TINAG: variants seen among roughly 807,000 people sequenced by gnomAD.
TINAG encodes tubulointerstitial nephritis antigen.
A neutral mutation model predicts 72.7 loss-of-function variants in TINAG; 83 were observed. The observed-to-expected ratio is 1.14, with a 90% CI of 0.96 to 1.37. The LOEUF (loss-of-function observed/expected upper bound fraction) is 1.37, where lower values mean the gene tolerates loss of function less well. Among genes scored for constraint, TINAG ranks in the 40% most tolerant of loss-of-function variants. The probability of loss-of-function intolerance (pLI) is 0.00; values close to 1 mark genes in which losing one functional copy is unlikely to be tolerated. For missense variants in TINAG, 685 were observed against 576.6 expected (o/e 1.19, Z -1.93); for synonymous variants, 234 against 189.9 (o/e 1.23, Z -1.91).
At chr6:54,349,611 A>T in intron 6 of TINAG, 105 bp from the exon 7 acceptor site, 1 of 1,080,746 alleles carries the variant, frequency 9.3e-7, no homozygotes, top group Non-Finnish European at 1.3e-6. Flanking sequence ...GCATGTAAGT[A>T]ACCAGAATAA....
chr6:54,308,086 T>A (rs780220197), upstream of TINAG: 6 of 1,549,870 alleles, frequency 3.9e-6, no homozygotes, highest in East Asian at 4.9e-5. Flanking sequence ...GGATGTTCGT[T>A]TCAATGCAGG....
chr6:54,387,568 C>T (rs192327867), intron 10 of TINAG, among the ~76,000 whole-genome samples: 29 of 152,154 alleles, frequency 1.9e-4, no homozygotes, highest in African/African-American at 6.5e-4. Flanking sequence ...AGGAAGGCAA[C>T]ATGGTAGACC....
In TINAG at chr6:54,317,976, A is replaced by G. The variant is rs545142045; in HGVS notation, c.356-2603A>G. Among the ~76,000 whole-genome samples, 19 of 151,652 alleles carry G rather than the reference A, an allele frequency of 1.3e-4. No homozygotes were observed. In the East Asian group the frequency reaches 3.7e-3, roughly 30 times the overall value. On this transcript the variant is annotated intron_variant, in intron 1 of 10. Coordinates refer to ENST00000259782, the MANE Select transcript of TINAG (RefSeq NM_014464.4). ...GTACTGTATGCAGCTGACCACCTAG[A>G]GCATTTGAAACACTGTATTAACCCT...
intron 9 of TINAG, among the ~76,000 whole-genome samples, chr6:54,373,190 T>A (rs1763683190): frequency 7.1e-6 from 1 of 141,448 alleles, no homozygotes. Flanking sequence ...TTCCCCTACC[T>A]CCAACCCCAC....
intron 9 of TINAG, among the ~76,000 whole-genome samples, chr6:54,363,436 G>A (rs1395153784): frequency 6.6e-6 from 1 of 151,306 alleles, no homozygotes; most frequent in Non-Finnish European, 1.5e-5. Flanking sequence ...AGACATATTT[G>A]GGGAGAAAAG....
At position 54,319,058 on chromosome 6, in the gene TINAG, C is replaced by G. The variant is rs9474800; in HGVS notation, c.356-1521C>G. ...TTAGCTGAGTATAAGTCAGCTAATA[C>G]TCAGCTGAGTATTAAGGTCTTTTTC... On this transcript the variant is annotated intron_variant, in intron 1 of 10. Transcript: ENST00000259782. Among the ~76,000 whole-genome samples, 578 of 152,128 alleles carry G rather than the reference C, an allele frequency of 3.8e-3. 6 individuals are homozygous for G. The highest frequency in any genetic ancestry group is 0.013 in the African/African-American group (553 of 41,504).
intron 5 of TINAG, among the ~76,000 whole-genome samples, chr6:54,344,588 A>G (rs1785076090): frequency 6.6e-6 from 1 of 152,196 alleles, no homozygotes; most frequent in Non-Finnish European, 1.5e-5. Flanking sequence ...ATCTATAAGA[A>G]TTTTGCCTAA....
chr6:54,363,693 C>G (rs906755833), intron 9 of TINAG, among the ~76,000 whole-genome samples: 1 of 149,850 alleles, frequency 6.7e-6, no homozygotes, highest in Non-Finnish European at 1.5e-5. Context: ...TAGGGCTACA[C>G]AGAAAAAGAA....
intron 3 of TINAG, among the ~76,000 whole-genome samples, chr6:54,321,920 TG>T (rs1246631787): frequency 6.6e-6 from 1 of 152,174 alleles, no homozygotes; most frequent in Non-Finnish European, 1.5e-5. Context: ...AAAGTAGGGA[TG>T]ATTGACACTG....
chr6:54,357,911 A>G (rs1763103331), intron 9 of TINAG, among the ~76,000 whole-genome samples: 1 of 151,890 alleles, frequency 6.6e-6, no homozygotes, highest in Non-Finnish European at 1.5e-5. Flanking sequence ...ATCAGATTAA[A>G]AGCCAAATTT....
intron 4 of TINAG, among the ~76,000 whole-genome samples, chr6:54,335,391 A>C (rs1434970150): frequency 2.0e-5 from 3 of 152,180 alleles, no homozygotes; most frequent in Non-Finnish European, 4.4e-5. Flanking sequence ...AACACCTGGA[A>C]TTGCCAAGTA....
At chr6:54,309,062 C>T (rs1220812050) in intron 1 of TINAG, among the ~76,000 whole-genome samples, 157 bp downstream of exon 1, 16 of 151,862 alleles carry the variant, frequency 1.1e-4, no homozygotes. Flanking sequence ...TGTTAAAGTG[C>T]TTTGGTTTGG....
intron 1 of TINAG, among the ~76,000 whole-genome samples, chr6:54,317,468 G>T (rs960307637): frequency 6.6e-6 from 1 of 152,024 alleles, no homozygotes; most frequent in African/African-American, 2.4e-5. Context: ...ATAAATGGGA[G>T]TTGCCCTGTA....
intron 9 of TINAG, among the ~76,000 whole-genome samples, chr6:54,377,890 C>T (rs1582759135): frequency 2.0e-5 from 3 of 152,040 alleles, no homozygotes; most frequent in South Asian, 4.2e-4. Context: ...CACTAGTTAA[C>T]CTTTATTTTA....
At chr6:54,324,710 C>T (rs1013863064) in intron 3 of TINAG, among the ~76,000 whole-genome samples, 1 of 152,164 alleles carries the variant, frequency 6.6e-6, no homozygotes, top group Non-Finnish European at 1.5e-5. Flanking sequence ...TAGTTTGGTT[C>T]TTCCTTCCTT....
intron 6 of TINAG, among the ~76,000 whole-genome samples, chr6:54,348,850 G>C (rs2150958974): frequency 6.6e-6 from 1 of 152,150 alleles, no homozygotes; most frequent in East Asian, 1.9e-4. Flanking sequence ...CAATGGTTTT[G>C]CTTTTGTCAT....
At chr6:54,333,182 A>G (rs754231532) in intron 4 of TINAG, among the ~76,000 whole-genome samples, 1 of 152,150 alleles carries the variant, frequency 6.6e-6, no homozygotes, top group Non-Finnish European at 1.5e-5. Flanking sequence ...TGTTTATTGC[A>G]GCACCATTCA....
In TINAG at chr6:54,354,602, C is replaced by T. The variant is rs760530015; in HGVS notation, c.1216C>T (p.Arg406Ter). 13 of 1,610,416 alleles carry T rather than the reference C, an allele frequency of 8.1e-6. No homozygotes were observed. The highest frequency in any genetic ancestry group is 6.6e-5 in the South Asian group (6 of 90,874). The change falls in exon 9 of 11, where the codon CGA (arginine) becomes TGA (stop). Residue 406 changes from arginine to a stop codon, truncating the protein, a stop_gained. Coordinates refer to ENST00000259782, the MANE Select transcript of TINAG (RefSeq NM_014464.4). LOFTEE classifies it high-confidence loss of function. ...CACAAATAAAGAATCAGAAAAATAT[C>T]GAAAGCTTCAGACACATGCAGTCAA... ...TSTNKESEKY[R>*]KLQTHAVKLT...
At chr6:54,375,369 CAGA>C (rs1763749003) in intron 9 of TINAG, among the ~76,000 whole-genome samples, 1 of 151,956 alleles carries the variant, frequency 6.6e-6, no homozygotes, top group African/African-American at 2.4e-5. Context: ...AGAGAAAATC[CAGA>C]AGAAGGTGAA....
Sources: allele counts gnomAD v4.1 joint callset (sites outside exome capture counted in the v4.1 genomes callset), GRCh38; gene constraint gnomAD v4.1.1; transcripts MANE v1.5; gene names NCBI Gene and HGNC (gene_info 2026-07-23, HGNC 2026-07-21).